Variants in ZYG11B observed in about 807,000 individuals in gnomAD.
The protein encoded by ZYG11B is protein zyg-11 homolog B.
Under a neutral mutation model 82.4 loss-of-function variants are expected in ZYG11B, and 36 were observed. The observed-to-expected ratio is 0.44, with a 90% CI of 0.33 to 0.58. The LOEUF is 0.58. Among genes scored for constraint, ZYG11B ranks in the 20% least tolerant of loss-of-function variants. The pLI is 0.02. For synonymous variants in ZYG11B, 303 were observed against 312.8 expected (o/e 0.97, Z 0.33); for missense variants, 552 against 895.6 (o/e 0.62, Z 4.90).
At chr1:52,813,469 A>G (rs953692969) in intron 10 of ZYG11B, 67 bp from the exon 11 acceptor site, 1 of 1,286,566 alleles carries the variant, frequency 7.8e-7, no homozygotes, top group Admixed American at 2.5e-5. Flanking sequence ...CAGGGCCTAA[A>G]AACAGTTATC....
chr1:52,811,830 A>G (rs1366452458), intron 10 of ZYG11B, among the ~76,000 whole-genome samples: 1 of 151,936 alleles, frequency 6.6e-6, no homozygotes, highest in Non-Finnish European at 1.5e-5. Context: ...GGAAATTGAG[A>G]CCATCCTGGC....
intron 8 of ZYG11B, among the ~76,000 whole-genome samples, chr1:52,797,342 AT>A (rs1191824198): frequency 1.4e-4 from 9 of 65,946 alleles, no homozygotes; most frequent in East Asian, 1.2e-3. Flanking sequence ...TATATTTATA[AT>A]TATATATTAT....
chr1:52,810,695 C>T (rs1157032599), intron 10 of ZYG11B, among the ~76,000 whole-genome samples: 1 of 152,112 alleles, frequency 6.6e-6, no homozygotes, highest in Non-Finnish European at 1.5e-5. Flanking sequence ...TCTGTTTTTA[C>T]TCCACCTTGG....
intron 4 of ZYG11B, among the ~76,000 whole-genome samples, chr1:52,780,260 A>T (rs1338544755): frequency 1.3e-5 from 2 of 152,230 alleles, no homozygotes; most frequent in Non-Finnish European, 2.9e-5. Flanking sequence ...ATGATATTTT[A>T]TCACCAGCTA....
chr1:52,821,380 C>T, intron 13 of ZYG11B, 59 bp from the exon 14 acceptor site: 3 of 1,480,466 alleles, frequency 2.0e-6, no homozygotes, highest in East Asian at 4.6e-5. Context: ...GAATAATTTT[C>T]AAGTGTTTTA....
At chr1:52,790,239 A>G (rs991540228) in intron 6 of ZYG11B, among the ~76,000 whole-genome samples, 172 bp downstream of exon 6, 1 of 152,192 alleles carries the variant, frequency 6.6e-6, no homozygotes, top group Non-Finnish European at 1.5e-5. Context: ...TGGCTTTGAC[A>G]TTCATGATAG....
rs764236481 is a variant in ZYG11B, at chr1:52,756,577, C to A, written c.150C>A (p.Phe50Leu). The A allele has an allele frequency of 1.6e-5, 26 of 1,613,848 alleles. No homozygotes were observed. Among genetic ancestry groups the A allele is most frequent in the Non-Finnish European group, 4.2e-6 (5 of 1,179,974 alleles). ...TGTGTCTGCAGGAACCTGGAGTATT[C>A]CCACAGGAGGTGGCTGATCGACTGC... is the stretch of plus-strand genomic sequence containing the variant. ...GTLCLQEPGVFPQEVADRLLR... is the reference protein window; with the variant it reads ...GTLCLQEPGVLPQEVADRLLR... Residue 50 changes from phenylalanine (F) to leucine (L), a missense_variant, in exon 2 of 14, where the codon TTC (phenylalanine) becomes TTA (leucine). Physicochemically the swap from Phe to Leu is conservative, Grantham distance 22. Around this residue, in one of 3 missense-constraint regions of ZYG11B, gnomAD observed 359 missense variants for 555.8 expected, o/e 0.65. Coordinates refer to ENST00000294353, the MANE Select transcript of ZYG11B (RefSeq NM_024646.3).
At chr1:52,812,220 C>G (rs1645189888) in intron 10 of ZYG11B, among the ~76,000 whole-genome samples, 1 of 151,902 alleles carries the variant, frequency 6.6e-6, no homozygotes, top group African/African-American at 2.4e-5. Context: ...TATTTTTCTG[C>G]CCCTTTGTAT....
intron 2 of ZYG11B, among the ~76,000 whole-genome samples, chr1:52,767,288 ATGT>A (rs1228808832): frequency 3.3e-5 from 4 of 119,660 alleles, no homozygotes; most frequent in Admixed American, 3.0e-4. Flanking sequence ...ATTTTATGTT[ATGT>A]TGTTATTTTA....
intron 1 of ZYG11B, among the ~76,000 whole-genome samples, chr1:52,739,832 C>T (rs1165815976): frequency 3.3e-5 from 5 of 151,946 alleles, no homozygotes; most frequent in Non-Finnish European, 7.4e-5. Context: ...TCTTGAACTC[C>T]TGACCTCAAG....
At chr1:52,796,650 C>T (rs901555237) in intron 7 of ZYG11B, 84 bp from the exon 8 acceptor site, 7 of 1,210,114 alleles carry the variant, frequency 5.8e-6, no homozygotes, top group Non-Finnish European at 7.1e-6. Flanking sequence ...TTTAGTCTCA[C>T]CTTTGGAGTG....
intron 1 of ZYG11B, among the ~76,000 whole-genome samples, chr1:52,755,564 T>A (rs1271041354): frequency 6.6e-6 from 1 of 152,130 alleles, no homozygotes; most frequent in Non-Finnish European, 1.5e-5. Flanking sequence ...TGCAATGGCA[T>A]AATCTCAGCT....
chr1:52,765,763 A>G (rs1644677870), intron 2 of ZYG11B, among the ~76,000 whole-genome samples: 1 of 152,048 alleles, frequency 6.6e-6, no homozygotes, highest in East Asian at 1.9e-4. Context: ...TCATCCTCCC[A>G]AAGTACTGGG....
chr1:52,748,701 GA>G (rs1032516496), intron 1 of ZYG11B, among the ~76,000 whole-genome samples: 3 of 151,926 alleles, frequency 2.0e-5, no homozygotes, highest in Admixed American at 2.0e-4. Flanking sequence ...TGTCTCCACT[GA>G]AAATCTAAAA....
Position 52,772,523 on chromosome 1 carries a change from C to T in ZYG11B, c.951+749C>T, listed in dbSNP as rs961496094. The T allele has an allele frequency of 2.4e-5, 39 of 1,609,724 alleles. No individual in the cohort carries two copies. In the African/African-American group the frequency reaches 4.7e-4, roughly 19 times the overall value. On this transcript the variant is annotated intron_variant, in intron 3 of 13. Coordinates refer to ENST00000294353, the MANE Select transcript of ZYG11B (RefSeq NM_024646.3). ...CGATCTGTGAAGGAGTAAGGCCCTT[C>T]TTGGCCAGTTTGTAAATCTGCTCCT... is the stretch of plus-strand genomic sequence containing the variant.
chr1:52,774,343 C>T (rs946157258), intron 3 of ZYG11B, among the ~76,000 whole-genome samples: 14 of 148,094 alleles, frequency 9.5e-5, no homozygotes, highest in East Asian at 6.0e-4. Context: ...AGTCTAGCTC[C>T]GTCACCCAGG....
chr1:52,743,925 CCTTTT>C (rs762519021), intron 1 of ZYG11B, among the ~76,000 whole-genome samples: 4 of 151,260 alleles, frequency 2.6e-5, no homozygotes, highest in Non-Finnish European at 5.9e-5. Flanking sequence ...CCCTACTGTA[CCTTTT>C]CTTTTCTTTC....
rs764253745 is a variant in ZYG11B at position 52,803,239 on chromosome 1, T to TAC, written c.1695+1110_1695+1111dup. ...ATATATATATACACACATATATATA[T>TAC]ACACACACACATATATATATATATA... On this transcript the variant is annotated intron_variant, in intron 10 of 13. Transcript: ENST00000294353. Among the ~76,000 whole-genome samples, 5 of 60,610 alleles carry TAC rather than the reference T, an allele frequency of 8.2e-5. 1 individual carries two copies. The highest frequency in any genetic ancestry group is 1.5e-4 in the Non-Finnish European group (5 of 33,894). 39.8% of individuals were successfully genotyped at this position (60,610 alleles called of 152,430 possible).
Position 52,786,848 on chromosome 1 carries a change from T to C in ZYG11B, c.1269+1795T>C, listed in dbSNP as rs145465538. Among the ~76,000 whole-genome samples the C allele has an allele frequency of 9.7e-3, 1,481 of 152,258 alleles. 26 individuals carry two copies. The highest frequency in any genetic ancestry group is 0.034 in the African/African-American group (1,424 of 41,532). ...GCTCACACCTGTAATCCCAGCACTT[T>C]GGGAGGCCAAGGCAGGCATATCACA... On this transcript the variant is annotated intron_variant, in intron 5 of 13. Transcript: ENST00000294353.
Sources: gnomAD v4.1 joint callset for allele counts (sites outside exome capture counted in the v4.1 genomes callset) on GRCh38, gnomAD v4.1.1 for gene constraint, gnomAD v4.1.1 regional missense constraint, MANE v1.5 for transcripts, NCBI Gene and HGNC (gene_info 2026-07-23, HGNC 2026-07-21) for gene names.